Variants in SH3BGR observed in about 807,000 individuals in gnomAD.
SH3BGR encodes the protein SH3 domain-binding glutamic acid-rich protein.
In SH3BGR, 29 loss-of-function variants were observed where a neutral mutation model predicts 24.5. The observed-to-expected ratio is 1.18, with a 90% confidence interval of 0.88 to 1.61. SH3BGR has a LOEUF of 1.61. SH3BGR is among the 40% of genes most tolerant of loss of function. The pLI, the probability that SH3BGR is intolerant of heterozygous loss-of-function variation, is 0.00. For missense variants in SH3BGR, 162 were observed against 205.8 expected, an observed-to-expected ratio of 0.79 and a Z score of 1.30; for synonymous variants, 55 against 65.7, an observed-to-expected ratio of 0.84 and a Z score of 0.79.
chr21:39,460,440 A>G (rs2077736181), intron 1 of SH3BGR, among the ~76,000 whole-genome samples: 1 of 152,170 alleles, frequency 6.6e-6, no homozygotes, highest in Non-Finnish European at 1.5e-5. Flanking sequence ...ATAGTAAAGT[A>G]TCTTTTTTAT....
chr21:39,473,598 C>G (rs1392006535), intron 2 of SH3BGR, among the ~76,000 whole-genome samples: 2 of 152,050 alleles, frequency 1.3e-5, no homozygotes, highest in African/African-American at 4.8e-5. Flanking sequence ...GAGTAACACA[C>G]AGGAGGCTGG....
Position 39,467,614 on chromosome 21 carries a change from A to C in SH3BGR, c.231+5054A>C, listed in dbSNP as rs577366439. Among the ~76,000 whole-genome samples the C allele has an allele frequency of 2.0e-5, 3 of 152,170 alleles. No individual in the cohort carries two copies. In the South Asian group the frequency reaches 6.2e-4, roughly 32 times the overall value. On this transcript the variant is annotated intron_variant, in intron 2 of 6. Transcript: ENST00000333634. ...ATTCTGAAGGATATGCAGGCTCAAA[A>C]TAATGTTAGTCTAGATAGTCAATGT...
Position 39,462,435 on chromosome 21 carries a change from G to T in SH3BGR, c.106G>T (p.Glu36Ter), listed in dbSNP as rs1451938460. The T allele has an allele frequency of 1.2e-6, 2 of 1,611,368 alleles. No individual in the cohort carries two copies. The highest frequency in any genetic ancestry group is 2.7e-5 in the African/African-American group (2 of 74,754). ...GGAAGCGAATAAAATCGACTTTAAG[G>T]AATTAGATATTGCTGGAGATGAAGA... ...FLEANKIDFK[E>*]LDIAGDEDNR... Residue 36 changes from glutamate to a stop codon, truncating the protein, a stop_gained, in exon 2 of 7, where the codon GAA (glutamate) becomes TAA (stop). Coordinates refer to ENST00000333634, the MANE Select transcript of SH3BGR (RefSeq NM_007341.3). LOFTEE classifies it high-confidence loss of function.
At chr21:39,451,798 C>G (rs763744777), upstream of SH3BGR, 1 of 1,206,998 alleles carries the variant, frequency 8.3e-7, no homozygotes, top group East Asian at 2.5e-5. Flanking sequence ...ACTGTTGTCG[C>G]GCGTTTAAAG....
chr21:39,475,143 C>T lies in SH3BGR; in HGVS notation c.240C>T (p.Asp80=), dbSNP rs1280639687. 1.2e-6 allele frequency: 2 copies of T among 1,605,238 alleles called. No individual in the cohort carries two copies. The highest frequency in any genetic ancestry group is 2.2e-5 in the East Asian group (1 of 44,802). The change falls in exon 3 of 7, where the codon GAC becomes GAT. Residue 80 remains aspartate, a synonymous_variant. Transcript: ENST00000333634. ...FNEEQYCGDF[D]SFFSAKEENI... ...TTTTTCTTTGCTTCAAGGATTTTGACTCTTTCTTCTCTGCAAAAGAAGAGA... is the reference window on the plus strand; with the variant it reads ...TTTTTCTTTGCTTCAAGGATTTTGATTCTTTCTTCTCTGCAAAAGAAGAGA...
At position 39,515,169 on chromosome 21, in the gene SH3BGR, AC is replaced by A. The variant is rs1165432325; in HGVS notation, c.*119del. On this transcript the variant is annotated 3_prime_UTR_variant, in exon 7 of 7. Coordinates refer to ENST00000333634, the MANE Select transcript of SH3BGR (RefSeq NM_007341.3). ...GAATACTTTGGCTTGAAGCCGGCACACCCAGGGTTACTGAGGACTTATGCTG... is the reference window on the plus strand; with the variant it reads ...GAATACTTTGGCTTGAAGCCGGCACACCAGGGTTACTGAGGACTTATGCTG... 1 of 468,374 alleles carries A rather than the reference AC, an allele frequency of 2.1e-6. No individual in the cohort carries two copies. The highest frequency in any genetic ancestry group is 4.4e-6 in the Non-Finnish European group (1 of 225,800). 29.0% of individuals were successfully genotyped at this position (468,374 alleles called of 1,614,324 possible).
intron 3 of SH3BGR, among the ~76,000 whole-genome samples, chr21:39,477,737 T>A (rs2078050364): frequency 6.6e-6 from 1 of 152,234 alleles, no homozygotes; most frequent in African/African-American, 2.4e-5. Flanking sequence ...CTTAGGACCA[T>A]TAAATTGTAT....
intron 1 of SH3BGR, among the ~76,000 whole-genome samples, chr21:39,456,698 C>T (rs1403701545): frequency 6.6e-6 from 1 of 152,222 alleles, no homozygotes; most frequent in African/African-American, 2.4e-5. Context: ...TCCTTTGGTT[C>T]TCATAGGCCT....
chr21:39,486,302 G>A (rs2078211972), intron 3 of SH3BGR, among the ~76,000 whole-genome samples: 1 of 152,062 alleles, frequency 6.6e-6, no homozygotes, highest in South Asian at 2.1e-4. Context: ...CATGCAAAAC[G>A]AAACTATAAA....
chr21:39,504,670 C>A (rs981813357), intron 4 of SH3BGR, among the ~76,000 whole-genome samples: 21 of 152,158 alleles, frequency 1.4e-4, no homozygotes, highest in African/African-American at 4.1e-4. Flanking sequence ...GCTTAATTGA[C>A]TGGATGATTA....
At chr21:39,458,054 T>C (rs2077692320) in intron 1 of SH3BGR, among the ~76,000 whole-genome samples, 1 of 152,228 alleles carries the variant, frequency 6.6e-6, no homozygotes, top group Non-Finnish European at 1.5e-5. Context: ...TTTACATGTC[T>C]CTAAGAAAGG....
chr21:39,468,058 C>T (rs770337768), intron 2 of SH3BGR, among the ~76,000 whole-genome samples: 1 of 152,172 alleles, frequency 6.6e-6, no homozygotes, highest in Non-Finnish European at 1.5e-5. Context: ...GGCCGGAGTG[C>T]CTGCCTGGGA....
chr21:39,479,244 G>GTGC (rs1569160872), intron 3 of SH3BGR, among the ~76,000 whole-genome samples: 1,702 of 134,280 alleles, frequency 0.013, 27 homozygotes, highest in African/African-American at 0.045. Context: ...GGTGGTGGTG[G>GTGC]TGGTGGTGGT....
intron 2 of SH3BGR, among the ~76,000 whole-genome samples, chr21:39,465,452 G>A (rs898193992): frequency 5.3e-5 from 8 of 152,290 alleles, no homozygotes; most frequent in African/African-American, 1.7e-4. Context: ...TGGCAATTTC[G>A]TGTTTGGGTT....
intron 5 of SH3BGR, among the ~76,000 whole-genome samples, chr21:39,510,124 A>G (rs986191694): frequency 1.4e-5 from 2 of 144,410 alleles, no homozygotes; most frequent in Non-Finnish European, 3.0e-5. Flanking sequence ...TTGTATTTTT[A>G]GTAGAGACGG....
intron 2 of SH3BGR, among the ~76,000 whole-genome samples, chr21:39,470,257 C>T (rs2077915936): frequency 6.6e-6 from 1 of 151,504 alleles, no homozygotes; most frequent in Admixed American, 6.6e-5. Flanking sequence ...TACTTTTGTC[C>T]CAAACTTTTT....
At chr21:39,446,166 G>T (rs1403785068) in intron 1 of SH3BGR, 6 of 86,428 alleles carry the variant, frequency 6.9e-5, no homozygotes, top group African/African-American at 1.7e-4. Context: ...TCATAAAGAC[G>T]ATTTTTTTTT....
upstream of SH3BGR, among the ~76,000 whole-genome samples, chr21:39,450,903 C>G (rs1435739381): frequency 6.6e-6 from 1 of 152,048 alleles, no homozygotes; most frequent in Non-Finnish European, 1.5e-5. Flanking sequence ...GGCTAAAGGG[C>G]TCAAGGGATC....
upstream of SH3BGR, among the ~76,000 whole-genome samples, chr21:39,448,732 G>T (rs2077539589): frequency 6.6e-6 from 1 of 152,146 alleles, no homozygotes; most frequent in South Asian, 2.1e-4. Flanking sequence ...AGAAGGATGA[G>T]GGGTTAGTTA....
Sources: gnomAD v4.1 joint callset for allele counts (sites outside exome capture counted in the v4.1 genomes callset) on GRCh38, gnomAD v4.1.1 for gene constraint, MANE v1.5 for transcripts, NCBI Gene and HGNC (gene_info 2026-07-23, HGNC 2026-07-21) for gene names.